The following SPIDR variants were observed in gnomAD, a reference collection of about 807,000 sequenced individuals.
SPIDR encodes the protein scaffold protein involved in DNA repair.
SPIDR carries 93 observed loss-of-function variants against 104.6 expected under a neutral mutation model. That is an observed-to-expected ratio of 0.89 (90% confidence interval 0.75 to 1.06). The LOEUF (loss-of-function observed/expected upper bound fraction) is 1.06, where lower values mean the gene tolerates loss of function less well. Ranked by LOEUF, SPIDR falls within the 50% of genes least tolerant of loss-of-function variation. The pLI, the probability that SPIDR is intolerant of heterozygous loss-of-function variation, is 0.00. For synonymous variants in SPIDR, 431 were observed against 416.9 expected, an observed-to-expected ratio of 1.03 and a Z score of -0.41; for missense variants, 1,154 against 1,111.2, an observed-to-expected ratio of 1.04 and a Z score of -0.55.
intron 5 of SPIDR, among the ~76,000 whole-genome samples, chr8:47,353,304 G>A (rs2053913185): frequency 6.6e-6 from 1 of 152,136 alleles, no homozygotes; most frequent in Admixed American, 6.5e-5. Flanking sequence ...CAGGACCTGT[G>A]TGAGAATGAC....
At chr8:47,687,608 A>G (rs879735422) in intron 11 of SPIDR, among the ~76,000 whole-genome samples, 8 of 152,254 alleles carry the variant, frequency 5.3e-5, no homozygotes, top group Non-Finnish European at 1.2e-4. Flanking sequence ...ATAATAAGTG[A>G]ATAAATAAAG....
intron 8 of SPIDR, among the ~76,000 whole-genome samples, chr8:47,504,897 C>T (rs201771512): frequency 6.6e-6 from 1 of 152,226 alleles, no homozygotes; most frequent in African/African-American, 2.4e-5. Context: ...CGGAGGTCCA[C>T]TCCAGACCCT....
chr8:47,485,328 G>T (rs1174107277), intron 8 of SPIDR, among the ~76,000 whole-genome samples: 1 of 152,222 alleles, frequency 6.6e-6, no homozygotes, highest in Admixed American at 6.5e-5. Context: ...CATTGCTGAG[G>T]CTTGAGTAGG....
chr8:47,322,916 C>T (rs1394214670), intron 5 of SPIDR, among the ~76,000 whole-genome samples: 1 of 151,782 alleles, frequency 6.6e-6, no homozygotes, highest in East Asian at 1.9e-4. Context: ...AGAAGGGGAA[C>T]ATCATACGCC....
chr8:47,447,903 T>C (rs1211355813), intron 8 of SPIDR, among the ~76,000 whole-genome samples: 2 of 152,192 alleles, frequency 1.3e-5, no homozygotes, highest in African/African-American at 2.4e-5. Flanking sequence ...TTGACTAAGG[T>C]ATGCACTTTT....
At chr8:47,375,281 G>C (rs1428523290) in intron 5 of SPIDR, among the ~76,000 whole-genome samples, 2 of 101,212 alleles carry the variant, frequency 2.0e-5, no homozygotes, top group African/African-American at 7.7e-5. Context: ...GCACTCTGTT[G>C]CCCAGGCTGG....
At chr8:47,562,388 G>C (rs1218126441) in intron 8 of SPIDR, among the ~76,000 whole-genome samples, 1 of 152,184 alleles carries the variant, frequency 6.6e-6, no homozygotes, top group Non-Finnish European at 1.5e-5. Flanking sequence ...TTCCTTCAGG[G>C]GTGAAATGAG....
intron 5 of SPIDR, among the ~76,000 whole-genome samples, chr8:47,333,393 C>T (rs1175156177): frequency 6.6e-6 from 1 of 152,086 alleles, no homozygotes. Flanking sequence ...CCTCGGCCTC[C>T]TGGGTTCAAG....
intron 5 of SPIDR, among the ~76,000 whole-genome samples, chr8:47,381,178 C>G (rs1438136030): frequency 2.0e-5 from 3 of 152,208 alleles, no homozygotes; most frequent in Non-Finnish European, 2.9e-5. Flanking sequence ...CCCTCCTTCC[C>G]TCCCTCTGTA....
At chr8:47,283,817 T>A (rs1554560937) in intron 2 of SPIDR, among the ~76,000 whole-genome samples, 6,984 of 152,214 alleles carry the variant, frequency 0.046, 529 homozygotes, top group African/African-American at 0.16. Context: ...AACGTTTTGG[T>A]CAGTCAGATC....
At chr8:47,659,966 C>T (rs539142930) in intron 10 of SPIDR, among the ~76,000 whole-genome samples, 5 of 152,322 alleles carry the variant, frequency 3.3e-5, no homozygotes, top group African/African-American at 1.2e-4. Flanking sequence ...TTAATCTGCC[C>T]TCTCAGCACA....
intron 11 of SPIDR, among the ~76,000 whole-genome samples, chr8:47,681,930 AT>A (rs2077142137): frequency 6.6e-6 from 1 of 152,198 alleles, no homozygotes; most frequent in Admixed American, 6.5e-5. Context: ...TAGTTTCTTC[AT>A]TTTAATTAGC....
chr8:47,371,944 T>G (rs1554639294), intron 5 of SPIDR, among the ~76,000 whole-genome samples: 1 of 152,190 alleles, frequency 6.6e-6, no homozygotes, highest in East Asian at 1.9e-4. Context: ...CCAAACATGG[T>G]GGACTATTCA....
chr8:47,370,828 A>T (rs1274057139), intron 5 of SPIDR, among the ~76,000 whole-genome samples: 3 of 152,050 alleles, frequency 2.0e-5, no homozygotes, highest in Admixed American at 6.6e-5. Flanking sequence ...TGAAAAAAAA[A>T]TTTTAAGTTA....
intron 8 of SPIDR, among the ~76,000 whole-genome samples, chr8:47,516,991 TG>T (rs1376120592): frequency 1.3e-5 from 2 of 152,160 alleles, no homozygotes; most frequent in Non-Finnish European, 2.9e-5. Context: ...TATTTAATTG[TG>T]GTTTTGATTT....
At position 47,549,628 on chromosome 8, in the gene SPIDR, TA is replaced by T. The variant is rs557767407; in HGVS notation, c.1098-46180del. 2.6e-5 allele frequency among the ~76,000 whole-genome samples: 4 copies of T among 152,354 alleles called. No individual in the cohort carries two copies. The East Asian group carries it at 5.8e-4, about 22-fold the overall frequency. ...TTTTTGATGGGGTTGTTTTTTCTTGTAAATTTGTTTGAGTTCTTTGTAGATT... is the reference window on the plus strand; with the variant it reads ...TTTTTGATGGGGTTGTTTTTTCTTGTAATTTGTTTGAGTTCTTTGTAGATT... On this transcript the variant is annotated intron_variant, in intron 8 of 19. Coordinates refer to ENST00000297423, the MANE Select transcript of SPIDR (RefSeq NM_001080394.4).
chr8:47,314,761 C>G (rs10105470), intron 5 of SPIDR, among the ~76,000 whole-genome samples: 4,257 of 152,198 alleles, frequency 0.028, 210 homozygotes, highest in African/African-American at 0.096. Context: ...GTAAAGAAAA[C>G]AAATAGCAAA....
intron 11 of SPIDR, among the ~76,000 whole-genome samples, chr8:47,690,894 A>G (rs1747811291): frequency 6.6e-6 from 1 of 152,222 alleles, no homozygotes; most frequent in African/African-American, 2.4e-5. Flanking sequence ...TTATATAATT[A>G]TATAAATTTA....
At chr8:47,440,288 T>A in intron 7 of SPIDR, 35 bp from the exon 8 acceptor site, 1 of 1,583,832 alleles carries the variant, frequency 6.3e-7, no homozygotes, top group Non-Finnish European at 8.7e-7. Flanking sequence ...GTCTTTTGAT[T>A]TCATTTTTGC....
Sources: allele counts gnomAD v4.1 joint callset (sites outside exome capture counted in the v4.1 genomes callset), GRCh38; gene constraint gnomAD v4.1.1; transcripts MANE v1.5; gene names NCBI Gene and HGNC (gene_info 2026-07-23, HGNC 2026-07-21).